Variants in RIOX2 observed in about 807,000 individuals in gnomAD.
RIOX2 encodes ribosomal oxygenase 2.
Under a neutral mutation model 51.2 loss-of-function variants are expected in RIOX2, and 43 were observed. The ratio of observed to expected loss-of-function variants is 0.84; its 90% CI spans 0.66 to 1.08. The LOEUF (loss-of-function observed/expected upper bound fraction) is 1.08. RIOX2 is among the 50% of genes least tolerant of loss of function. The pLI is 0.00. For synonymous variants in RIOX2, 226 were observed against 218.5 expected (o/e 1.03, Z -0.30); for missense variants, 566 against 561.7 (o/e 1.01, Z -0.08).
At chr3:97,969,459 G>A (rs1706035672) in intron 1 of RIOX2, among the ~76,000 whole-genome samples, 2 of 152,232 alleles carry the variant, frequency 1.3e-5, no homozygotes, top group African/African-American at 4.8e-5. Context: ...TAGCAGGCCT[G>A]ACTGCTATCC....
intron 4 of RIOX2, 100 bp from the exon 5 acceptor site, chr3:97,954,595 C>G (rs964070266): frequency 1.0e-6 from 1 of 990,194 alleles, no homozygotes. Flanking sequence ...TCTCAGTTCT[C>G]CATTCTAGAA....
At chr3:97,959,330 T>TTTTC in intron 3 of RIOX2, 151 bp from the exon 4 acceptor site, 1 of 704,492 alleles carries the variant, frequency 1.4e-6, no homozygotes, top group Non-Finnish European at 2.1e-6. Flanking sequence ...TTTTTTTTTT[T>TTTTC]AGTTGTTATA....
intron 1 of RIOX2, among the ~76,000 whole-genome samples, chr3:97,970,652 T>C (rs1187816142): frequency 6.6e-6 from 1 of 152,138 alleles, no homozygotes; most frequent in South Asian, 2.1e-4. Flanking sequence ...ACCACCCCAA[T>C]AGGAGTAAAT....
intron 5 of RIOX2, among the ~76,000 whole-genome samples, chr3:97,953,236 A>C (rs938735921): frequency 6.6e-6 from 1 of 152,124 alleles, no homozygotes; most frequent in African/African-American, 2.4e-5. Context: ...GCAAACCTAC[A>C]ATAGAATTTA....
rs770885450 is a variant in RIOX2, at chr3:97,944,217, C to G, written c.*967G>C. 1.2e-4 allele frequency: 18 copies of G among 151,164 alleles called. No homozygotes were observed. Among genetic ancestry groups the G allele is most frequent in the Non-Finnish European group, 8.8e-5 (6 of 67,798 alleles). The allele number at this position is 151,164 out of a possible 1,614,324, so 9.4% of individuals were successfully genotyped here. Reference sequence around the variant, plus strand: ...CTTTAAGTAAACGTGGAGTTGATTTCTCTACTAAATAACAGAAACCTCAGT... The same window carrying G: ...CTTTAAGTAAACGTGGAGTTGATTTGTCTACTAAATAACAGAAACCTCAGT... On this transcript the variant is annotated 3_prime_UTR_variant, in exon 10 of 10. Transcript: ENST00000394198.
chr3:97,954,484 C>T lies in RIOX2; in HGVS notation c.693G>A (p.Leu231=). The T allele has an allele frequency of 6.2e-7, 1 of 1,613,966 alleles. No homozygotes were observed. The highest frequency in any genetic ancestry group is 8.5e-7 in the Non-Finnish European group (1 of 1,179,912). Residue 231 remains leucine (L), a synonymous_variant, in exon 5 of 10, where the codon TTG becomes TTA. Transcript: ENST00000394198. The part of the protein sequence containing the change: ...VHEFMLKPGD[L]LYFPRGTIHQ... ...GAATGGTTCCTCTGGGAAAGTACAACAAATCACCCGGCTAAAGGAAGGAAT... is the reference window on the plus strand; with the variant it reads ...GAATGGTTCCTCTGGGAAAGTACAATAAATCACCCGGCTAAAGGAAGGAAT...
chr3:97,948,907 A>G (rs1404691709), intron 7 of RIOX2, among the ~76,000 whole-genome samples: 1 of 152,134 alleles, frequency 6.6e-6, no homozygotes, highest in Non-Finnish European at 1.5e-5. Flanking sequence ...TAGGATACTG[A>G]CATCATCCAT....
Position 97,945,080 on chromosome 3 carries a change from T to TA in RIOX2, c.*103dup. ...GGGAGGTCTCATGTTTGTTAGTAGATACGCAGGTAAGGAAACTTGAATTCA... is the reference window on the plus strand; with the variant it reads ...GGGAGGTCTCATGTTTGTTAGTAGATAACGCAGGTAAGGAAACTTGAATTCA... On this transcript the variant is annotated 3_prime_UTR_variant, in exon 10 of 10. Coordinates refer to ENST00000394198, the MANE Select transcript of RIOX2 (RefSeq NM_153182.4). The TA allele has an allele frequency of 9.7e-7, 1 of 1,029,578 alleles. No homozygotes were observed. The highest frequency in any genetic ancestry group is 1.4e-6 in the Non-Finnish European group (1 of 729,288). 63.8% of individuals were successfully genotyped at this position (1,029,578 alleles called of 1,614,324 possible). A position where few individuals can be genotyped will look rare whatever the true frequency, so the allele number is the denominator to read the frequency against.
At chr3:97,964,171 A>G (rs925109700) in intron 2 of RIOX2, among the ~76,000 whole-genome samples, 3 of 152,146 alleles carry the variant, frequency 2.0e-5, no homozygotes, top group Non-Finnish European at 4.4e-5. Flanking sequence ...TCCTCTCTCC[A>G]CTGACCTACC....
intron 2 of RIOX2, among the ~76,000 whole-genome samples, chr3:97,964,903 C>A (rs1242792036): frequency 6.6e-6 from 1 of 151,866 alleles, no homozygotes; most frequent in African/African-American, 2.4e-5. Flanking sequence ...AAAGCAAGTC[C>A]AAACAACTTA....
chr3:97,957,008 T>C (rs941406793), intron 4 of RIOX2, among the ~76,000 whole-genome samples: 25 of 152,286 alleles, frequency 1.6e-4, no homozygotes, highest in Admixed American at 1.0e-3. Flanking sequence ...ATCACAGGCG[T>C]GATCTCATCC....
rs1219705674 is a variant in RIOX2, at chr3:97,972,385, C to T, written c.-44G>A. On this transcript the variant is annotated 5_prime_UTR_variant, in exon 1 of 10. Coordinates refer to ENST00000394198, the MANE Select transcript of RIOX2 (RefSeq NM_153182.4). ...CCACGAGAGCGCCCCACTCACCCGG[C>T]ACGGCCTGTTGCTCGCGGCCGCGAG... 2.0e-5 allele frequency: 3 copies of T among 151,776 alleles called. No homozygotes were observed. The highest frequency in any genetic ancestry group is 3.5e-3 in the Middle Eastern group (1 of 288). The allele number at this position is 151,776 out of a possible 1,614,324, so 9.4% of individuals were successfully genotyped here.
chr3:97,950,324 G>C (rs942142592), intron 6 of RIOX2, among the ~76,000 whole-genome samples: 2 of 152,198 alleles, frequency 1.3e-5, no homozygotes, highest in East Asian at 1.9e-4. Flanking sequence ...TAAGATGAAT[G>C]CTTCAGAGAA....
chr3:97,954,677 G>T lies in RIOX2; in HGVS notation c.682-182C>A, dbSNP rs140513828. Among the ~76,000 whole-genome samples the T allele has an allele frequency of 9.9e-5, 15 of 152,094 alleles. No individual in the cohort carries two copies. The East Asian group carries it at 2.9e-3, about 29-fold the overall frequency. ...CAGCTAGTCTAGCTTCTCTGTGTCC[G>T]TGAGCCTGTCACTGTTAACCATGAT... is the stretch of plus-strand genomic sequence containing the variant. On this transcript the variant is annotated intron_variant, in intron 4 of 9. Coordinates refer to ENST00000394198, the MANE Select transcript of RIOX2 (RefSeq NM_153182.4).
chr3:97,952,321 A>T lies in RIOX2; in HGVS notation c.786-1433T>A. On this transcript the variant is annotated intron_variant, in intron 5 of 9. Coordinates refer to ENST00000394198, the MANE Select transcript of RIOX2 (RefSeq NM_153182.4). ...ATGGTACCCACCCACAATCCTAAGC[A>T]GGCAACTTCTGTAACTTAGGAAGCT... is the stretch of plus-strand genomic sequence containing the variant. 3.1e-6 allele frequency: 3 copies of T among 983,150 alleles called. No homozygotes were observed. In the South Asian group the frequency reaches 4.0e-5, roughly 13 times the overall value. 60.9% of individuals were successfully genotyped at this position (983,150 alleles called of 1,614,324 possible). A position where few individuals can be genotyped will look rare whatever the true frequency, so the allele number is the denominator to read the frequency against.
chr3:97,943,419 G>A lies in RIOX2; in HGVS notation c.*1765C>T, dbSNP rs1157452079. ...GGAAGCTACTGTCCTCACACTCCTG[G>A]ATCACTGAGCAGAATGAACATTTTC... On this transcript the variant is annotated 3_prime_UTR_variant, in exon 10 of 10. Coordinates refer to ENST00000394198, the MANE Select transcript of RIOX2 (RefSeq NM_153182.4). The A allele has an allele frequency of 2.9e-6, 2 of 684,774 alleles. No individual in the cohort carries two copies. The highest frequency in any genetic ancestry group is 5.1e-6 in the Non-Finnish European group (2 of 391,278). The allele number at this position is 684,774 out of a possible 1,614,324, so 42.4% of individuals were successfully genotyped here.
At chr3:97,946,436 G>T (rs950301167) in intron 8 of RIOX2, among the ~76,000 whole-genome samples, 1 of 151,494 alleles carries the variant, frequency 6.6e-6, no homozygotes, top group African/African-American at 2.4e-5. Flanking sequence ...GCAGTTTATT[G>T]TCTCTTCCAG....
intron 1 of RIOX2, among the ~76,000 whole-genome samples, chr3:97,970,244 C>A (rs1401381229): frequency 2.6e-5 from 4 of 152,222 alleles, no homozygotes; most frequent in Admixed American, 1.3e-4. Flanking sequence ...AACCCCAATA[C>A]TGTATAACAA....
chr3:97,954,323 C>T, intron 5 of RIOX2, 69 bp downstream of exon 5: 1 of 1,169,506 alleles, frequency 8.6e-7, no homozygotes, highest in Non-Finnish European at 1.3e-6. Context: ...CATATCCCTC[C>T]TGAATGTGGC....
Sources: gnomAD v4.1 joint callset for allele counts (sites outside exome capture counted in the v4.1 genomes callset) on GRCh38, gnomAD v4.1.1 for gene constraint, MANE v1.5 for transcripts, NCBI Gene and HGNC (gene_info 2026-07-23, HGNC 2026-07-21) for gene names.